CEACAM5: variants seen among roughly 807,000 people sequenced by gnomAD.
The protein encoded by CEACAM5 is CEA cell adhesion molecule 5.
CEACAM5 carries 52 observed loss-of-function variants against 63.0 expected under a neutral mutation model. The ratio of observed to expected loss-of-function variants is 0.83; its 90% confidence interval spans 0.66 to 1.04. The LOEUF (loss-of-function observed/expected upper bound fraction) is 1.04, where lower values mean the gene tolerates loss of function less well. Ranked by LOEUF, CEACAM5 falls within the 50% of genes least tolerant of loss-of-function variation. The pLI is 0.00. For synonymous variants in CEACAM5, 357 were observed against 351.3 expected (o/e 1.02, Z -0.18); for missense variants, 790 against 864.8 (o/e 0.91, Z 1.08).
At chr19:41,711,422 G>T (rs782132008) in intron 2 of CEACAM5, among the ~76,000 whole-genome samples, 2 of 152,166 alleles carry the variant, frequency 1.3e-5, no homozygotes, top group African/African-American at 4.8e-5. Context: ...TCTCATGAAG[G>T]GGGGAATGAG....
rs1272452547 is a variant in CEACAM5 at position 41,709,921 on chromosome 19, C to T, written c.306C>T (p.Tyr102=). The change falls in exon 2 of 10, where the codon TAC becomes TAT. Residue 102 remains tyrosine, a synonymous_variant. Transcript: ENST00000221992. The stretch of plus-strand genomic sequence containing the variant: ...CATACAGTGGTCGAGAGATAATATA[C>T]CCCAATGCATCCCTGCTGATCCAGA... ...GPAYSGREII[Y]PNASLLIQNI... 1 of 1,614,074 alleles carries T rather than the reference C, an allele frequency of 6.2e-7. No homozygotes were observed. Among genetic ancestry groups the T allele is most frequent in the Non-Finnish European group, 8.5e-7 (1 of 1,180,008 alleles).
chr19:41,715,285 A>C, intron 3 of CEACAM5, 36 bp downstream of exon 3: 1 of 1,614,074 alleles, frequency 6.2e-7, no homozygotes, highest in Non-Finnish European at 8.5e-7. Context: ...CCAGGCTGCC[A>C]GCCCAAATCC....
Position 41,715,157 on chromosome 19 carries a change from A to G in CEACAM5, c.611A>G (p.Asn204Ser), listed in dbSNP as rs2072499872. The G allele has an allele frequency of 6.2e-7, 1 of 1,614,154 alleles. No homozygotes were observed. Among genetic ancestry groups the G allele is most frequent in the East Asian group, 2.2e-5 (1 of 44,886 alleles). ...GGCAACAGGACCCTCACTCTATTCA[A>G]TGTCACAAGAAATGACACAGCAAGC... is the stretch of plus-strand genomic sequence containing the variant. Reference protein sequence around the residue: ...SNGNRTLTLFNVTRNDTASYK... With the variant: ...SNGNRTLTLFSVTRNDTASYK... The change falls in exon 3 of 10, where the codon AAT (asparagine) becomes AGT (serine). Residue 204 changes from asparagine to serine, a missense_variant. Asn to Ser is a conservative substitution (Grantham distance 46). Coordinates refer to ENST00000221992, the MANE Select transcript of CEACAM5 (RefSeq NM_004363.6).
chr19:41,717,869 G>A, intron 5 of CEACAM5, 136 bp downstream of exon 5: 2 of 1,165,448 alleles, frequency 1.7e-6, no homozygotes, highest in Non-Finnish European at 2.5e-6. Context: ...CCTACCCCCA[G>A]CAAATCCATG....
chr19:41,720,545 C>T (rs921039781), intron 7 of CEACAM5, among the ~76,000 whole-genome samples: 7 of 124,394 alleles, frequency 5.6e-5, no homozygotes, highest in African/African-American at 9.1e-5. Context: ...CTCGCTCTTT[C>T]GCCCAGGCTG....
rs138295038 is a variant in CEACAM5, at chr19:41,719,974, G to C, written c.1537G>C (p.Val513Leu). 60 of 1,614,110 alleles carry C rather than the reference G, an allele frequency of 3.7e-5. No individual in the cohort carries two copies. The highest frequency in any genetic ancestry group is 6.7e-5 in the African/African-American group (5 of 74,928). ...PSISSNNSKP[V>L]EDKDAVAFTC... ...CATCTCCAGCAACAACTCCAAACCC[G>C]TGGAGGACAAGGATGCTGTGGCCTT... Residue 513 changes from valine to leucine, a missense_variant, in exon 7 of 10, where the codon GTG (valine) becomes CTG (leucine). By Grantham distance (32) the Val-to-Leu change is conservative. Coordinates refer to ENST00000221992, the MANE Select transcript of CEACAM5 (RefSeq NM_004363.6).
chr19:41,714,050 AC>A (rs1163149178), intron 2 of CEACAM5, among the ~76,000 whole-genome samples: 3 of 151,906 alleles, frequency 2.0e-5, no homozygotes, highest in Non-Finnish European at 4.4e-5. Context: ...CCCCATCTCT[AC>A]TAAAAATACA....
At chr19:41,727,700 T>G (rs1422392884) in intron 9 of CEACAM5, among the ~76,000 whole-genome samples, 1 of 152,206 alleles carries the variant, frequency 6.6e-6, no homozygotes, top group Non-Finnish European at 1.5e-5. Flanking sequence ...GACCCCTTGT[T>G]GCCAGTCTTT....
At chr19:41,715,927 G>A (rs782711398) in intron 4 of CEACAM5, 23 bp downstream of exon 4, 6 of 1,606,414 alleles carry the variant, frequency 3.7e-6, no homozygotes, top group Non-Finnish European at 5.1e-6. Flanking sequence ...ACGAAGCACT[G>A]ACATCATGTT....
In CEACAM5 at chr19:41,715,762, T is replaced by C. The variant is rs1555814923; in HGVS notation, c.816T>C (p.Phe272=). The C allele has an allele frequency of 2.5e-6, 4 of 1,614,216 alleles. No individual in the cohort carries two copies. In the South Asian group the frequency reaches 4.4e-5, roughly 18 times the overall value. The change falls in exon 4 of 10, where the codon TTT becomes TTC. Residue 272 remains phenylalanine (F), a synonymous_variant. Coordinates refer to ENST00000221992, the MANE Select transcript of CEACAM5 (RefSeq NM_004363.6). ...ASNPPAQYSW[F]VNGTFQQSTQ... is the part of the protein sequence containing the mutation. Reference sequence around the variant, plus strand: ...ACCCACCTGCACAGTACTCTTGGTTTGTCAATGGGACTTTCCAGCAATCCA... The same window carrying C: ...ACCCACCTGCACAGTACTCTTGGTTCGTCAATGGGACTTTCCAGCAATCCA...
At position 41,720,024 on chromosome 19, in the gene CEACAM5, C is replaced by A. The variant is rs782545749; in HGVS notation, c.1587C>A (p.Asn529Lys). ...TCACCTGTGAACCTGAGGCTCAGAA[C>A]ACAACCTACCTGTGGTGGGTAAATG... ...VAFTCEPEAQ[N>K]TTYLWWVNGQ... Residue 529 changes from asparagine (N) to lysine (K), a missense_variant, in exon 7 of 10, where the codon AAC (asparagine) becomes AAA (lysine). Transcript: ENST00000221992. The A allele has an allele frequency of 6.2e-7, 1 of 1,614,272 alleles. No individual in the cohort carries two copies. The highest frequency in any genetic ancestry group is 8.5e-7 in the Non-Finnish European group (1 of 1,180,050).
rs35091611 is a variant in CEACAM5 at position 41,709,953 on chromosome 19, T to C, written c.338T>C (p.Ile113Thr). The stretch of plus-strand genomic sequence containing the variant: ...GCATCCCTGCTGATCCAGAACATCA[T>C]CCAGAATGACACAGGATTCTACACC... The part of the protein sequence containing the change: ...PNASLLIQNI[I>T]QNDTGFYTLH... Residue 113 changes from isoleucine to threonine, a missense_variant, in exon 2 of 10, where the codon ATC (isoleucine) becomes ACC (threonine). By Grantham distance (89) the Ile-to-Thr change is moderately conservative (BLOSUM62 -1). Coordinates refer to ENST00000221992, the MANE Select transcript of CEACAM5 (RefSeq NM_004363.6). 258,116 of 1,612,750 alleles carry C rather than the reference T, an allele frequency of 0.16. 23,530 individuals carry two copies. Among genetic ancestry groups the C allele is most frequent in the African/African-American group, 0.28 (20,635 of 74,776 alleles).
chr19:41,713,089 A>G (rs1039896389), intron 2 of CEACAM5, among the ~76,000 whole-genome samples: 1 of 152,130 alleles, frequency 6.6e-6, no homozygotes, highest in Non-Finnish European at 1.5e-5. Context: ...GGAAGATCAC[A>G]AAGTCAAGAG....
chr19:41,728,496 G>A (rs532102978), intron 9 of CEACAM5, among the ~76,000 whole-genome samples: 1 of 152,244 alleles, frequency 6.6e-6, no homozygotes, highest in East Asian at 1.9e-4. Flanking sequence ...GATTAGAATT[G>A]CCCATGGAGT....
In CEACAM5 at chr19:41,718,136, G is replaced by C. The variant is rs2072557424; in HGVS notation, c.1246G>C (p.Asp416His). 24 of 1,614,176 alleles carry C rather than the reference G, an allele frequency of 1.5e-5. No homozygotes were observed. The highest frequency in any genetic ancestry group is 1.9e-5 in the Non-Finnish European group (23 of 1,180,028). The stretch of plus-strand genomic sequence containing the variant: ...TATTCTCTTTGCTCCAGATGGCCCA[G>C]ACGACCCCACCATTTCCCCCTCATA... ...PVILNVLYGP[D>H]DPTISPSYTY... Residue 416 changes from aspartate (D) to histidine (H), a missense_variant, in exon 6 of 10, where the codon GAC (aspartate) becomes CAC (histidine). By Grantham distance (81) the Asp-to-His change is moderately conservative. Coordinates refer to ENST00000221992, the MANE Select transcript of CEACAM5 (RefSeq NM_004363.6).
At position 41,709,864 on chromosome 19, in the gene CEACAM5, A is replaced by G. The variant is rs782501253; in HGVS notation, c.249A>G (p.Val83=). The change falls in exon 2 of 10, where the codon GTA becomes GTG. Residue 83 remains valine (V), a synonymous_variant. Transcript: ENST00000221992. ...GCAACCGTCAAATTATAGGATATGT[A>G]ATAGGAACTCAACAAGCTACCCCAG... ...VDGNRQIIGY[V]IGTQQATPGP... is the part of the protein sequence containing the mutation. The G allele has an allele frequency of 1.9e-6, 3 of 1,614,124 alleles. No homozygotes were observed. Among genetic ancestry groups the G allele is most frequent in the Admixed American group, 1.7e-5 (1 of 60,024 alleles).
chr19:41,711,886 G>A (rs1808818273), intron 2 of CEACAM5, among the ~76,000 whole-genome samples: 1 of 151,680 alleles, frequency 6.6e-6, no homozygotes, highest in South Asian at 2.1e-4. Context: ...CACTTCCCAG[G>A]CAATAGGGAA....
At chr19:41,712,566 C>A (rs1311736171) in intron 2 of CEACAM5, among the ~76,000 whole-genome samples, 1 of 152,220 alleles carries the variant, frequency 6.6e-6, no homozygotes, top group Non-Finnish European at 1.5e-5. Flanking sequence ...GGCATCATTT[C>A]TCCCTTTATG....
chr19:41,710,090 C>G (rs371080520), intron 2 of CEACAM5, 51 bp downstream of exon 2: 1 of 1,573,690 alleles, frequency 6.4e-7, no homozygotes, highest in Non-Finnish European at 8.6e-7. Context: ...TTCTACTTCC[C>G]ACACACAGGA....
Sources: gnomAD v4.1 joint callset for allele counts (sites outside exome capture counted in the v4.1 genomes callset) on GRCh38, gnomAD v4.1.1 for gene constraint, MANE v1.5 for transcripts, NCBI Gene and HGNC (gene_info 2026-07-23, HGNC 2026-07-21) for gene names.